The following PTPRD variants were observed in gnomAD, a reference collection of about 807,000 sequenced individuals.
PTPRD encodes the protein protein tyrosine phosphatase receptor type D.
In PTPRD, 34 loss-of-function variants were observed where a neutral mutation model predicts 214.5. The observed-to-expected ratio is 0.16, with a 90% CI of 0.12 to 0.21. The LOEUF is 0.21. Among genes scored for constraint, PTPRD ranks in the 10% least tolerant of loss-of-function variants. The pLI, the probability that PTPRD is intolerant of heterozygous loss-of-function variation, is 1.00. For missense variants in PTPRD, 2,545 were observed against 2,398.7 expected (o/e 1.06, Z -1.27); for synonymous variants, 1,128 against 845.7 (o/e 1.33, Z -5.79).
intron 2 of PTPRD, among the ~76,000 whole-genome samples, chr9:10,511,947 CGTGTGTGTATATATATATACGTGTGT>C (rs1566640423): frequency 7.4e-5 from 5 of 67,506 alleles, no homozygotes; most frequent in Non-Finnish European, 1.3e-4. Flanking sequence ...TATATATATA[CGTGTGTGTATATATATATACGTGTGT>C]GTGTATATAT....
intron 30 of PTPRD, 144 bp downstream of exon 30, chr9:8,483,975 G>A (rs1331170047): frequency 6.7e-6 from 7 of 1,047,054 alleles, no homozygotes; most frequent in African/African-American, 1.6e-5. Context: ...AAAAGAACTC[G>A]GATAGCAAAA....
intron 2 of PTPRD, among the ~76,000 whole-genome samples, chr9:10,543,676 C>T (rs2059625612): frequency 6.6e-6 from 1 of 152,210 alleles, no homozygotes; most frequent in Non-Finnish European, 1.5e-5. Flanking sequence ...GACATTTGAA[C>T]TATAGTAAAC....
At chr9:10,163,018 T>C (rs947052593) in intron 3 of PTPRD, among the ~76,000 whole-genome samples, 1 of 150,582 alleles carries the variant, frequency 6.6e-6, no homozygotes, top group Non-Finnish European at 1.5e-5. Flanking sequence ...TAAATGTCTA[T>C]CTCTCTATAT....
chr9:10,088,100 T>G (rs1590811125), intron 3 of PTPRD, among the ~76,000 whole-genome samples: 1 of 151,784 alleles, frequency 6.6e-6, no homozygotes, highest in African/African-American at 2.4e-5. Context: ...TCAACTAATA[T>G]TTATTGTCTA....
chr9:8,757,348 G>A (rs185465182), intron 11 of PTPRD, among the ~76,000 whole-genome samples: 28 of 152,190 alleles, frequency 1.8e-4, no homozygotes, highest in African/African-American at 6.5e-4. Flanking sequence ...ATGAGAATAT[G>A]TAGAATTTTG....
At chr9:10,002,012 A>G (rs1194023560) in intron 4 of PTPRD, among the ~76,000 whole-genome samples, 1 of 152,048 alleles carries the variant, frequency 6.6e-6, no homozygotes, top group African/African-American at 2.4e-5. Context: ...TTTTATAGCA[A>G]TGTTAATACA....
rs980397700 is a variant in PTPRD, at chr9:8,781,636, G to A, written c.-103-47690C>T. ...ACATGGAGCACTATGCTAATATTTT[G>A]CAATAATGGACTCTGGGGCAGTGCT... On this transcript the variant is annotated intron_variant, in intron 11 of 45. Transcript: ENST00000381196. Among the ~76,000 whole-genome samples, 5 of 138,404 alleles carry A rather than the reference G, an allele frequency of 3.6e-5. No homozygotes were observed. The Admixed American group carries it at 3.9e-4, about 11-fold the overall frequency. 90.8% of individuals were successfully genotyped at this position (138,404 alleles called of 152,430 possible). A position where few individuals can be genotyped will look rare whatever the true frequency, so the allele number is the denominator to read the frequency against.
chr9:8,827,768 A>C (rs2097205561), intron 11 of PTPRD, among the ~76,000 whole-genome samples: 1 of 152,174 alleles, frequency 6.6e-6, no homozygotes, highest in Non-Finnish European at 1.5e-5. Flanking sequence ...ATTATTGTTT[A>C]CTAGTGATTA....
chr9:9,906,821 T>G (rs1224479435), intron 5 of PTPRD, among the ~76,000 whole-genome samples: 8 of 151,954 alleles, frequency 5.3e-5, no homozygotes, highest in Admixed American at 5.3e-4. Flanking sequence ...TTCATAAGAT[T>G]ATTCTCTTTC....
At chr9:9,062,105 C>T (rs2099708618) in intron 10 of PTPRD, among the ~76,000 whole-genome samples, 1 of 152,122 alleles carries the variant, frequency 6.6e-6, no homozygotes, top group Non-Finnish European at 1.5e-5. Context: ...ATTTTATATT[C>T]CAATAGTTGA....
At chr9:10,482,990 G>C (rs554240673) in intron 2 of PTPRD, among the ~76,000 whole-genome samples, 5 of 152,088 alleles carry the variant, frequency 3.3e-5, no homozygotes, top group Non-Finnish European at 7.4e-5. Context: ...GCAATCCTAA[G>C]CAAAAAGAAC....
intron 5 of PTPRD, among the ~76,000 whole-genome samples, chr9:9,877,973 CAAAAAAAAAAA>C (rs758528718): frequency 1.4e-5 from 1 of 70,680 alleles, no homozygotes; most frequent in Non-Finnish European, 2.9e-5. Context: ...AACTCCATCT[CAAAAAAAAAAA>C]AAAAAAAAAA....
chr9:10,498,399 T>G (rs760963463), intron 2 of PTPRD, among the ~76,000 whole-genome samples: 13 of 151,984 alleles, frequency 8.6e-5, no homozygotes, highest in Non-Finnish European at 1.9e-4. Flanking sequence ...AAAAATTAAC[T>G]GTTAGCTTTA....
chr9:8,947,921 T>C (rs1196747333), intron 11 of PTPRD, among the ~76,000 whole-genome samples: 1 of 152,062 alleles, frequency 6.6e-6, no homozygotes, highest in African/African-American at 2.4e-5. Flanking sequence ...CACGAATTGG[T>C]ATTACTAGTA....
intron 11 of PTPRD, among the ~76,000 whole-genome samples, chr9:8,739,385 T>C (rs148855459): frequency 6.6e-6 from 1 of 152,300 alleles, no homozygotes; most frequent in Non-Finnish European, 1.5e-5. Flanking sequence ...TTCTTCAGGA[T>C]AGAAATGTTT....
intron 2 of PTPRD, among the ~76,000 whole-genome samples, chr9:10,462,781 T>A (rs1261401470): frequency 6.6e-6 from 1 of 151,590 alleles, no homozygotes; most frequent in Non-Finnish European, 1.5e-5. Flanking sequence ...AAAGAGATAC[T>A]AGTTACAGGA....
intron 4 of PTPRD, among the ~76,000 whole-genome samples, chr9:10,011,891 G>C (rs1588873082): frequency 6.6e-6 from 1 of 151,954 alleles, no homozygotes; most frequent in Non-Finnish European, 1.5e-5. Context: ...TGCAGAGACA[G>C]TGGGGATAAA....
At chr9:8,650,099 G>C (rs778559731) in intron 12 of PTPRD, among the ~76,000 whole-genome samples, 4 of 152,040 alleles carry the variant, frequency 2.6e-5, no homozygotes, top group Non-Finnish European at 5.9e-5. Context: ...AAAATGTTTT[G>C]TAGAGATGGG....
chr9:10,479,854 A>C (rs2099086602), intron 2 of PTPRD, among the ~76,000 whole-genome samples: 1 of 152,042 alleles, frequency 6.6e-6, no homozygotes, highest in Non-Finnish European at 1.5e-5. Flanking sequence ...TGTGGTGCTG[A>C]AAAGTACATT....
Sources: allele counts gnomAD v4.1 joint callset (sites outside exome capture counted in the v4.1 genomes callset), GRCh38; gene constraint gnomAD v4.1.1; transcripts MANE v1.5; gene names NCBI Gene and HGNC (gene_info 2026-07-23, HGNC 2026-07-21).